Variants in FER1L5 observed in about 807,000 individuals in gnomAD.
FER1L5 encodes the protein fer-1-like protein 5.
In FER1L5, 187 loss-of-function variants were observed where a neutral mutation model predicts 279.9. The observed-to-expected ratio is 0.67, with a 90% CI of 0.59 to 0.75. FER1L5 has a LOEUF of 0.75. FER1L5 is among the 30% of genes least tolerant of loss of function. The pLI is 0.00. For missense variants in FER1L5, 2,091 were observed against 2,594.4 expected (o/e 0.81, Z 4.21); for synonymous variants, 921 against 989.7 (o/e 0.93, Z 1.30).
chr2:96,666,574 T>A (rs1018651593), intron 14 of FER1L5, among the ~76,000 whole-genome samples: 1 of 152,030 alleles, frequency 6.6e-6, no homozygotes, highest in Non-Finnish European at 1.5e-5. Context: ...GCTGAGAGGA[T>A]TGAGGATTTG....
intron 27 of FER1L5, 117 bp downstream of exon 27, chr2:96,690,706 GC>G: frequency 7.9e-6 from 7 of 886,042 alleles, no homozygotes; most frequent in East Asian, 2.7e-5. Context: ...AATTCCTGGG[GC>G]CCCCTGGCCT....
intron 19 of FER1L5, among the ~76,000 whole-genome samples, chr2:96,680,097 T>C (rs1396687565): frequency 6.6e-6 from 1 of 152,132 alleles, no homozygotes; most frequent in Non-Finnish European, 1.5e-5. Context: ...CCCCTTGGCT[T>C]CGGTGGCGGT....
At position 96,689,390 on chromosome 2, in the gene FER1L5, G is replaced by C. The variant is rs574914870; in HGVS notation, c.2525+14G>C. The C allele has an allele frequency of 6.5e-7, 1 of 1,547,266 alleles. No homozygotes were observed. Among genetic ancestry groups the C allele is most frequent in the African/African-American group, 1.4e-5 (1 of 72,898 alleles). ...ACCTCAGAGAAGGTAAGGCCAGAGG[G>C]GGCAGGCCCCACCAGAGGGGACACT... is the stretch of plus-strand genomic sequence containing the variant. On this transcript the variant is annotated intron_variant, in intron 25 of 52. Transcript: ENST00000624922. The surrounding 1 kb of genome is among the most constrained non-coding windows in gnomAD (Gnocchi z 4.6).
Position 96,703,547 on chromosome 2 carries a change from A to T in FER1L5, c.5716A>T (p.Ile1906Phe), listed in dbSNP as rs754010276. 6.2e-7 allele frequency: 1 copy of T among 1,613,920 alleles called. No individual in the cohort carries two copies. The highest frequency in any genetic ancestry group is 1.1e-5 in the South Asian group (1 of 91,082). Residue 1906 changes from isoleucine (I) to phenylalanine (F), a missense_variant, in exon 51 of 53, where the codon ATT becomes TTT. Ile to Phe is a conservative substitution (Grantham distance 21). Coordinates refer to ENST00000624922, the MANE Select transcript of FER1L5 (RefSeq NM_001293083.2). ...LSGKVKMSLEILSEKEALIKP... is the reference protein window; with the variant it reads ...LSGKVKMSLEFLSEKEALIKP... The stretch of plus-strand genomic sequence containing the variant: ...GGGCAAGGTGAAGATGAGCCTGGAG[A>T]TTCTGTCAGAGAAGGAAGCCTTAAT...
chr2:96,661,745 G>A lies in FER1L5; in HGVS notation c.972G>A (p.Met324Ile), dbSNP rs1327874588. 1 of 1,551,592 alleles carries A rather than the reference G, an allele frequency of 6.4e-7. No individual in the cohort carries two copies. The highest frequency in any genetic ancestry group is 8.7e-7 in the Non-Finnish European group (1 of 1,147,002). Residue 324 changes from methionine (M) to isoleucine (I), a missense_variant, in exon 12 of 53, where the codon ATG becomes ATA. By Grantham distance (10) the Met-to-Ile change is conservative (BLOSUM62 1). Transcript: ENST00000624922. The stretch of plus-strand genomic sequence containing the variant: ...AGTCAGCGGTAGTCCCGATCAACAT[G>A]GCTTACTTACAGCTCTTCATCTACT... ...IFKSAVVPIN[M>I]AYLQLFIYCA...
Position 96,698,661 on chromosome 2 carries a change from C to T in FER1L5, c.4357-10C>T. ...GCCAGGCTGGGCCCCCAACACCCTCCCCCCGCCAGGGCCTTTTCCGCATCT... is the reference window on the plus strand; with the variant it reads ...GCCAGGCTGGGCCCCCAACACCCTCTCCCCGCCAGGGCCTTTTCCGCATCT... On this transcript the variant is annotated splice_polypyrimidine_tract_variant and intron_variant, in intron 40 of 52. Coordinates refer to ENST00000624922, the MANE Select transcript of FER1L5 (RefSeq NM_001293083.2). The surrounding 1 kb of genome is among the most constrained non-coding windows in gnomAD (Gnocchi z 5.5). 6.3e-7 allele frequency: 1 copy of T among 1,575,906 alleles called. No homozygotes were observed. The highest frequency in any genetic ancestry group is 8.6e-7 in the Non-Finnish European group (1 of 1,160,462).
At position 96,661,481 on chromosome 2, in the gene FER1L5, G is replaced by A. The variant is rs763995922; in HGVS notation, c.894+41G>A. 1.1e-5 allele frequency: 17 copies of A among 1,537,732 alleles called. 1 individual carries two copies. The South Asian group carries it at 2.0e-4, about 18-fold the overall frequency. On this transcript the variant is annotated intron_variant, in intron 11 of 52. Coordinates refer to ENST00000624922, the MANE Select transcript of FER1L5 (RefSeq NM_001293083.2). ...CCCCGGAAACTTTCCTATCCTGGCT[G>A]CCTCCTGGGGGCACCCCTGGGCCTC...
At chr2:96,653,996 T>C (rs1019324599) in intron 8 of FER1L5, 13 of 449,388 alleles carry the variant, frequency 2.9e-5, no homozygotes, top group Admixed American at 2.0e-4. Flanking sequence ...CCAAGTAGAA[T>C]ACTCCATTCC....
At chr2:96,653,782 C>G (rs2106461393) in intron 8 of FER1L5, 80 bp downstream of exon 8, 1 of 1,107,816 alleles carries the variant, frequency 9.0e-7, no homozygotes, top group Non-Finnish European at 1.3e-6. Flanking sequence ...CTCCAGCCCC[C>G]ACCCTTAGAG....
At chr2:96,692,205 C>T (rs1421733301) in intron 31 of FER1L5, 24 bp downstream of exon 31, 1 of 1,549,840 alleles carries the variant, frequency 6.5e-7, no homozygotes, top group Non-Finnish European at 8.7e-7. Flanking sequence ...AGCCTTGTCC[C>T]CAGCTGAGGA....
intron 18 of FER1L5, among the ~76,000 whole-genome samples, chr2:96,671,448 G>A (rs556472344): frequency 6.6e-6 from 1 of 152,324 alleles, no homozygotes; most frequent in Admixed American, 6.5e-5. Context: ...CCCTTACTGA[G>A]GCCCATTTTC....
chr2:96,650,245 T>C lies in FER1L5; in HGVS notation c.460T>C (p.Ser154Pro). The change falls in exon 6 of 53, where the codon TCC (serine) becomes CCC (proline). Residue 154 changes from serine to proline, a missense_variant. By Grantham distance (74) the Ser-to-Pro change is moderately conservative. Coordinates refer to ENST00000624922, the MANE Select transcript of FER1L5 (RefSeq NM_001293083.2). ...CAGTCAGAAACTGATGGTCCCTGGC[T>C]CCACTGCGCACAGGGCTCTGTCCTC... Reference protein sequence around the residue: ...AASQKLMVPGSTAHRALSSKP... With the variant: ...AASQKLMVPGPTAHRALSSKP... The C allele has an allele frequency of 2.6e-6, 4 of 1,551,700 alleles. No homozygotes were observed. The highest frequency in any genetic ancestry group is 1.4e-5 in the African/African-American group (1 of 73,158).
chr2:96,685,997 G>A lies in FER1L5; in HGVS notation c.1953G>A (p.Arg651=). The A allele has an allele frequency of 4.5e-6, 7 of 1,551,344 alleles. No individual in the cohort carries two copies. Among genetic ancestry groups the A allele is most frequent in the Non-Finnish European group, 6.1e-6 (7 of 1,146,882 alleles). Residue 651 remains arginine, a synonymous_variant, in exon 22 of 53, where the codon AGG becomes AGA. Transcript: ENST00000624922. ...QPKATSLDRK[R]WQLRSLLLQE... is the part of the protein sequence containing the mutation. ...AAGCCACCAGCCTGGACAGGAAGAG[G>A]TGGCAGCTCCGCAGCCTCCTCCTGC...
intron 52 of FER1L5, 27 bp from the exon 53 acceptor site, chr2:96,704,441 A>C (rs781555766): frequency 3.1e-6 from 5 of 1,613,072 alleles, no homozygotes; most frequent in Admixed American, 3.3e-5. Flanking sequence ...TTGCCACCCC[A>C]GGCTAACTGT....
In FER1L5 at chr2:96,702,631, A is replaced by C. The variant is rs771739420; in HGVS notation, c.5287A>C (p.Lys1763Gln). 2.5e-6 allele frequency: 4 copies of C among 1,592,928 alleles called. No individual in the cohort carries two copies. In the South Asian group the frequency reaches 3.4e-5, roughly 14 times the overall value. Residue 1763 changes from lysine (K) to glutamine (Q), a missense_variant, in exon 48 of 53, where the codon AAG becomes CAG. Coordinates refer to ENST00000624922, the MANE Select transcript of FER1L5 (RefSeq NM_001293083.2). The surrounding 1 kb of genome is among the most constrained non-coding windows in gnomAD (Gnocchi z 4.0). ...WLYGLEKDMQ[K>Q]TDIHYHSLTG... Reference sequence around the variant, plus strand: ...ATACGGGCTGGAGAAGGACATGCAGAAGACAGACATCCACTACCACTCGCT... The same window carrying C: ...ATACGGGCTGGAGAAGGACATGCAGCAGACAGACATCCACTACCACTCGCT...
chr2:96,670,049 G>C, intron 17 of FER1L5, 70 bp from the exon 18 acceptor site: 1 of 1,540,536 alleles, frequency 6.5e-7, no homozygotes, highest in Non-Finnish European at 8.8e-7. Context: ...TTGCCTCAGG[G>C]GTTTCAAAGG....
At chr2:96,690,701 C>T in intron 27 of FER1L5, 112 bp downstream of exon 27, 1 of 940,122 alleles carries the variant, frequency 1.1e-6, no homozygotes, top group East Asian at 2.7e-5. Flanking sequence ...GCCTAAATTC[C>T]TGGGGCCCCC....
At position 96,691,239 on chromosome 2, in the gene FER1L5, G is replaced by A; in HGVS notation, c.2793G>A (p.Trp931Ter). Reference protein sequence around the residue: ...GIPPSGLPQVWSPVEKTYHSC... With the variant: ...GIPPSGLPQV The stretch of plus-strand genomic sequence containing the variant: ...CACCGTCGGGCCTGCCCCAGGTCTG[G>A]AGCCCGGTGGAGAAGACCTACCACT... The change falls in exon 28 of 53, where the codon TGG (tryptophan) becomes TGA (stop). Residue 931 changes from tryptophan (W) to a stop codon, truncating the protein, a stop_gained. Coordinates refer to ENST00000624922, the MANE Select transcript of FER1L5 (RefSeq NM_001293083.2). LOFTEE classifies it high-confidence loss of function. The surrounding 1 kb of genome is among the most constrained non-coding windows in gnomAD (Gnocchi z 6.0). The A allele has an allele frequency of 6.5e-7, 1 of 1,550,366 alleles. No individual in the cohort carries two copies. Among genetic ancestry groups the A allele is most frequent in the East Asian group, 2.4e-5 (1 of 40,918 alleles).
intron 9 of FER1L5, among the ~76,000 whole-genome samples, chr2:96,658,920 C>A (rs2075707283): frequency 6.6e-6 from 1 of 151,806 alleles, no homozygotes; most frequent in African/African-American, 2.4e-5. Flanking sequence ...GGATGACAGC[C>A]CATTCATTTT....
Sources: gnomAD v4.1 joint callset for allele counts (sites outside exome capture counted in the v4.1 genomes callset) on GRCh38, gnomAD v4.1.1 for gene constraint, Gnocchi (gnomAD v3.1) non-coding constraint, MANE v1.5 for transcripts, NCBI Gene and HGNC (gene_info 2026-07-23, HGNC 2026-07-21) for gene names.